Variants in ENTREP2 observed in about 807,000 individuals in gnomAD.
ENTREP2 encodes the protein protein ENTREP2.
the ENTREP2 span, among the ~76,000 whole-genome samples, chr15:29,175,405 A>C: frequency 2.6e-5 from 4 of 152,212 alleles, no homozygotes; most frequent in African/African-American, 9.6e-5. Context: ...GTCTGATCGG[A>C]TTGAAAACAC....
At chr15:29,462,487 G>A in the ENTREP2 span, among the ~76,000 whole-genome samples, 1 of 152,096 alleles carries the variant, frequency 6.6e-6, no homozygotes, top group Non-Finnish European at 1.5e-5. Context: ...GGCCACACCT[G>A]TAATGCCAGC....
chr15:29,604,336 A>G, the ENTREP2 span, among the ~76,000 whole-genome samples: 2 of 152,218 alleles, frequency 1.3e-5, no homozygotes, highest in Non-Finnish European at 2.9e-5. Flanking sequence ...AATTGGTACA[A>G]TCTTCGGTGA....
the ENTREP2 span, among the ~76,000 whole-genome samples, chr15:29,632,807 C>T: frequency 1.3e-5 from 2 of 152,198 alleles, no homozygotes; most frequent in African/African-American, 4.8e-5. Context: ...CAAGTCTCAG[C>T]CCGTGGCTGG....
the ENTREP2 span, among the ~76,000 whole-genome samples, chr15:29,504,363 G>A: frequency 6.6e-6 from 1 of 152,160 alleles, no homozygotes; most frequent in Non-Finnish European, 1.5e-5. Context: ...AATACCAACT[G>A]TGAAAAGCAA....
the ENTREP2 span, among the ~76,000 whole-genome samples, chr15:29,249,178 C>G: frequency 6.6e-6 from 1 of 152,174 alleles, no homozygotes; most frequent in Non-Finnish European, 1.5e-5. Context: ...CGTGGTGGCC[C>G]ATGCCTATAG....
At chr15:29,500,335 T>C in the ENTREP2 span, among the ~76,000 whole-genome samples, 1 of 152,060 alleles carries the variant, frequency 6.6e-6, no homozygotes, top group South Asian at 2.1e-4. Flanking sequence ...ATGAAACATA[T>C]ATTGGGCCAA....
At chr15:29,268,311 A>C in the ENTREP2 span, 1 of 153,328 alleles carries the variant, frequency 6.5e-6, no homozygotes, top group Non-Finnish European at 1.5e-5. Flanking sequence ...ACCATGAATA[A>C]TACTTATATA....
At chr15:29,269,162 C>G in the ENTREP2 span, 2 of 1,614,020 alleles carry the variant, frequency 1.2e-6, no homozygotes, top group African/African-American at 1.3e-5. Flanking sequence ...AGCCCTAAGA[C>G]GATCATCAGG....
the ENTREP2 span, among the ~76,000 whole-genome samples, chr15:29,175,587 G>T: frequency 6.6e-6 from 1 of 152,116 alleles, no homozygotes; most frequent in African/African-American, 2.4e-5. Flanking sequence ...GGACAGGAAC[G>T]CTGATGTTTG....
the ENTREP2 span, among the ~76,000 whole-genome samples, chr15:29,166,087 C>T: frequency 9.9e-3 from 1,501 of 152,202 alleles, 22 homozygotes; most frequent in African/African-American, 0.033. Context: ...ATCATCTCAA[C>T]AGATGCAGAA....
chr15:29,234,134 T>C, the ENTREP2 span: 1 of 1,548,812 alleles, frequency 6.5e-7, no homozygotes. Context: ...ATTGGGACTC[T>C]GCTCTCCATG....
the ENTREP2 span, among the ~76,000 whole-genome samples, chr15:29,475,497 G>A: frequency 3.3e-5 from 5 of 152,160 alleles, no homozygotes; most frequent in Admixed American, 1.3e-4. Context: ...TCAACTTGGC[G>A]GTGGCCCGAA....
chr15:29,611,051 A>G, the ENTREP2 span: 1 of 152,202 alleles, frequency 6.6e-6, no homozygotes, highest in Admixed American at 6.5e-5. Context: ...TATTTTCAAA[A>G]ATTGCTCCCG....
chr15:29,336,390 C>T, the ENTREP2 span, among the ~76,000 whole-genome samples: 5 of 151,940 alleles, frequency 3.3e-5, no homozygotes, highest in Non-Finnish European at 5.9e-5. Context: ...CAGCTCACTG[C>T]AGCCTTGATC....
chr15:29,472,380 G>A, the ENTREP2 span, among the ~76,000 whole-genome samples: 1 of 150,672 alleles, frequency 6.6e-6, no homozygotes, highest in East Asian at 2.0e-4. Context: ...AGGCAGCTCT[G>A]GCTTCAGTGT....
the ENTREP2 span, chr15:29,375,862 T>C: frequency 2.0e-5 from 3 of 152,024 alleles, no homozygotes; most frequent in Admixed American, 1.3e-4. Flanking sequence ...ATCTTTGGTG[T>C]TGGCTCTGAA....
the ENTREP2 span, among the ~76,000 whole-genome samples, chr15:29,299,925 A>C: frequency 1.6e-5 from 2 of 124,126 alleles, no homozygotes; most frequent in Non-Finnish European, 3.2e-5. Flanking sequence ...AGGTGAATGG[A>C]TGAGTAGGTG....
chr15:29,124,645 C>T, the ENTREP2 span: 2 of 1,521,760 alleles, frequency 1.3e-6, no homozygotes, highest in Admixed American at 2.0e-5. Context: ...CCCCACCTCC[C>T]AGCAGGCGCA....
chr15:29,495,793 G>GT, the ENTREP2 span, among the ~76,000 whole-genome samples: 14 of 152,120 alleles, frequency 9.2e-5, no homozygotes, highest in African/African-American at 2.9e-4. Flanking sequence ...CCAGTAGCAT[G>GT]TTTTTTTGGC....
Sources: gnomAD v4.1 joint callset for allele counts (sites outside exome capture counted in the v4.1 genomes callset) on GRCh38, gnomAD v4.1.1 for gene constraint, MANE v1.5 for transcripts, NCBI Gene and HGNC (gene_info 2026-07-23, HGNC 2026-07-21) for gene names.